Variants in LRRC37A2 observed in about 807,000 individuals in gnomAD.
The protein encoded by LRRC37A2 is leucine-rich repeat-containing protein 37A2.
LRRC37A2 carries 9 observed loss-of-function variants against 68.8 expected under a neutral mutation model. The observed-to-expected ratio is 0.13, with a 90% CI of 0.08 to 0.23. The LOEUF (loss-of-function observed/expected upper bound fraction) is 0.23, where lower values mean the gene tolerates loss of function less well. Ranked by LOEUF, LRRC37A2 falls within the 10% of genes least tolerant of loss-of-function variation. LRRC37A2 has a pLI of 1.00. For missense variants in LRRC37A2, 168 were observed against 950.4 expected (o/e 0.18, Z 10.82); for synonymous variants, 63 against 367.6 (o/e 0.17, Z 9.48).
the LRRC37A2 span, among the ~76,000 whole-genome samples, chr17:46,502,082 TA>T: frequency 6.6e-6 from 1 of 151,356 alleles, no homozygotes; most frequent in Non-Finnish European, 1.5e-5. Flanking sequence ...CATCATTTTG[TA>T]AGTAATGAGT....
chr17:46,636,076 T>G, the LRRC37A2 span, among the ~76,000 whole-genome samples: 1 of 44,832 alleles, frequency 2.2e-5, no homozygotes, highest in East Asian at 3.0e-4. Flanking sequence ...TCTAGGGAAA[T>G]GCTTCTTTGT....
chr17:46,963,152 G>T, the LRRC37A2 span, among the ~76,000 whole-genome samples: 3 of 152,214 alleles, frequency 2.0e-5, no homozygotes, highest in Non-Finnish European at 4.4e-5. Flanking sequence ...AATAAATCAT[G>T]ATGTCTATAT....
the LRRC37A2 span, chr17:47,019,653 G>A: frequency 7.1e-7 from 1 of 1,405,462 alleles, no homozygotes; most frequent in Non-Finnish European, 1.0e-6. Flanking sequence ...TGCACCAGAG[G>A]AACAGAAGGC....
the LRRC37A2 span, among the ~76,000 whole-genome samples, chr17:46,868,648 T>G: frequency 7.2e-5 from 11 of 152,156 alleles, no homozygotes; most frequent in Non-Finnish European, 1.3e-4. Context: ...CACATTTTTC[T>G]GGGTTCATAA....
chr17:46,548,268 C>T, intron 9 of LRRC37A2, 44 bp from the exon 9 acceptor site: 1 of 382,940 alleles, frequency 2.6e-6, no homozygotes, highest in South Asian at 2.3e-5. Context: ...TGCATCCCAT[C>T]CCATCATCTT....
At chr17:46,729,223 C>G in the LRRC37A2 span, among the ~76,000 whole-genome samples, 1 of 152,100 alleles carries the variant, frequency 6.6e-6, no homozygotes, top group East Asian at 1.9e-4. Context: ...TTACATATCC[C>G]TACTACCTCC....
At chr17:46,931,423 C>A in the LRRC37A2 span, 17 of 582,050 alleles carry the variant, frequency 2.9e-5, no homozygotes, top group Non-Finnish European at 3.4e-5. Flanking sequence ...AACCTTGTGA[C>A]CCCTTACCTC....
At chr17:46,519,930 A>AT (rs1352557491) in intron 3 of LRRC37A2, among the ~76,000 whole-genome samples, 1 of 80,468 alleles carries the variant, frequency 1.2e-5, no homozygotes, top group East Asian at 2.5e-4. Flanking sequence ...TCTAAAAGGG[A>AT]TTTTGTGATC....
the LRRC37A2 span, chr17:46,763,006 G>A: frequency 3.3e-4 from 50 of 152,164 alleles, no homozygotes; most frequent in African/African-American, 1.0e-3. Flanking sequence ...GGGCATTTCA[G>A]ACTTGGCGGA....
chr17:46,585,098 T>C, the LRRC37A2 span, among the ~76,000 whole-genome samples: 2 of 84,204 alleles, frequency 2.4e-5, no homozygotes, highest in Non-Finnish European at 5.1e-5. Flanking sequence ...AGGTCAGGAG[T>C]TCGAGAGCTG....
At chr17:46,879,940 C>T in the LRRC37A2 span, among the ~76,000 whole-genome samples, 1 of 152,214 alleles carries the variant, frequency 6.6e-6, no homozygotes. Flanking sequence ...CCCACACTGC[C>T]CAAGAAGCTT....
chr17:46,676,227 C>A, the LRRC37A2 span, among the ~76,000 whole-genome samples: 4 of 140,302 alleles, frequency 2.9e-5, no homozygotes, highest in Non-Finnish European at 4.4e-5. Context: ...TATGGGAATT[C>A]TTCTTCTTTT....
the LRRC37A2 span, among the ~76,000 whole-genome samples, chr17:46,880,095 G>A: frequency 1.4e-4 from 21 of 152,352 alleles, no homozygotes; most frequent in African/African-American, 4.8e-4. Flanking sequence ...GGGCCTGCAT[G>A]TCCTCCTGCA....
At chr17:46,786,831 G>A in the LRRC37A2 span, among the ~76,000 whole-genome samples, 1 of 152,184 alleles carries the variant, frequency 6.6e-6, no homozygotes, top group African/African-American at 2.4e-5. Context: ...CTCAGGGGAT[G>A]CTGAACATTC....
chr17:46,971,125 G>A, the LRRC37A2 span, among the ~76,000 whole-genome samples: 1 of 152,108 alleles, frequency 6.6e-6, no homozygotes, highest in African/African-American at 2.4e-5. Context: ...ATCATTTGAG[G>A]TCAGGAGTTT....
chr17:46,807,341 G>A, the LRRC37A2 span, among the ~76,000 whole-genome samples: 1 of 152,218 alleles, frequency 6.6e-6, no homozygotes, highest in Non-Finnish European at 1.5e-5. Context: ...AATTAGCTGG[G>A]TGTGGTGGCG....
the LRRC37A2 span, chr17:46,932,505 C>G: frequency 1.7e-6 from 1 of 591,640 alleles, no homozygotes; most frequent in Non-Finnish European, 3.0e-6. Context: ...AAACGTTTTT[C>G]TGATCAGATA....
the LRRC37A2 span, among the ~76,000 whole-genome samples, chr17:47,043,525 C>T: frequency 6.6e-6 from 1 of 151,354 alleles, no homozygotes; most frequent in East Asian, 1.9e-4. Flanking sequence ...GTGGTCTCTG[C>T]CCTCAAAGCG....
At chr17:47,033,086 G>A in the LRRC37A2 span, among the ~76,000 whole-genome samples, 4 of 151,764 alleles carry the variant, frequency 2.6e-5, no homozygotes, top group Admixed American at 6.6e-5. Context: ...GCATGGGGAC[G>A]GGTACCTATG....
Sources: allele counts gnomAD v4.1 joint callset (sites outside exome capture counted in the v4.1 genomes callset), GRCh38; gene constraint gnomAD v4.1.1; transcripts MANE v1.5; gene names NCBI Gene and HGNC (gene_info 2026-07-23, HGNC 2026-07-21).